CSMD1: variants seen among roughly 807,000 people sequenced by gnomAD.
CSMD1 encodes the protein CUB and Sushi multiple domains 1.
CSMD1 carries 213 observed loss-of-function variants against 417.5 expected under a neutral mutation model. That is an observed-to-expected ratio of 0.51 (90% CI 0.46 to 0.57). CSMD1 has a LOEUF of 0.57. Among genes scored for constraint, CSMD1 ranks in the 20% least tolerant of loss-of-function variants. The probability of loss-of-function intolerance (pLI) is 0.00; values close to 1 mark genes in which losing one functional copy is unlikely to be tolerated. For synonymous variants in CSMD1, 2,862 were observed against 1,736.8 expected (o/e 1.65, Z -16.11); for missense variants, 6,923 against 4,529.7 (o/e 1.53, Z -15.17).
chr8:3,451,612 G>T (rs2040975212), intron 12 of CSMD1, among the ~76,000 whole-genome samples: 1 of 152,164 alleles, frequency 6.6e-6, no homozygotes, highest in South Asian at 2.1e-4. Context: ...GTTTGTCAAA[G>T]AGCAGATACT....
intron 62 of CSMD1, among the ~76,000 whole-genome samples, 182 bp downstream of exon 62, chr8:2,960,959 T>TATATATATATATATATATATAC (rs1563182766): frequency 1.1e-4 from 14 of 131,630 alleles, no homozygotes; most frequent in Non-Finnish European, 7.7e-5. Flanking sequence ...TATATATATA[T>TATATATATATATATATATATAC]ATATATACAT....
intron 2 of CSMD1, among the ~76,000 whole-genome samples, chr8:4,492,739 G>C (rs920214126): frequency 1.3e-5 from 2 of 152,188 alleles, no homozygotes; most frequent in African/African-American, 4.8e-5. Context: ...CATGGGCACA[G>C]GTAACACCCA....
At chr8:3,905,109 T>A (rs1212868685) in intron 5 of CSMD1, among the ~76,000 whole-genome samples, 2 of 152,130 alleles carry the variant, frequency 1.3e-5, no homozygotes, top group Non-Finnish European at 2.9e-5. Context: ...CTGAGGCAAT[T>A]TTAATATTTT....
chr8:4,850,698 A>G (rs995064219), intron 1 of CSMD1, among the ~76,000 whole-genome samples: 1 of 151,824 alleles, frequency 6.6e-6, no homozygotes, highest in Non-Finnish European at 1.5e-5. Context: ...CTCTCTCTGG[A>G]TGAAGTGCAG....
At chr8:3,512,038 A>G (rs1222229639) in intron 10 of CSMD1, among the ~76,000 whole-genome samples, 1 of 152,028 alleles carries the variant, frequency 6.6e-6, no homozygotes, top group Non-Finnish European at 1.5e-5. Flanking sequence ...GGCATTCCCC[A>G]TCACCGTGGA....
intron 2 of CSMD1, among the ~76,000 whole-genome samples, chr8:4,527,008 T>A (rs1796548503): frequency 2.0e-5 from 3 of 152,212 alleles, no homozygotes; most frequent in African/African-American, 7.2e-5. Context: ...AAAGTCTTTA[T>A]AGAGCTATTG....
chr8:4,875,235 T>C (rs1802974339), intron 1 of CSMD1, among the ~76,000 whole-genome samples: 2 of 152,030 alleles, frequency 1.3e-5, no homozygotes, highest in African/African-American at 2.4e-5. Flanking sequence ...AGCATGAGAA[T>C]TATATATGAA....
chr8:3,456,083 C>G (rs61657999), intron 12 of CSMD1, among the ~76,000 whole-genome samples: 48 of 152,254 alleles, frequency 3.2e-4, no homozygotes, highest in Admixed American at 1.6e-3. Flanking sequence ...AATGAGCAAG[C>G]CTTCATGGGC....
intron 3 of CSMD1, among the ~76,000 whole-genome samples, chr8:4,336,134 C>G (rs1443078968): frequency 6.6e-6 from 1 of 152,096 alleles, no homozygotes; most frequent in Admixed American, 6.6e-5. Context: ...GTATAAACTT[C>G]TCACTTTAAG....
chr8:4,698,958 C>T (rs78809247), intron 1 of CSMD1, among the ~76,000 whole-genome samples: 2,790 of 151,362 alleles, frequency 0.018, 39 homozygotes, highest in Non-Finnish European at 0.03. Flanking sequence ...CACCGTCGAA[C>T]GAACACGTCA....
chr8:3,451,297 T>C (rs1240868908), intron 12 of CSMD1, among the ~76,000 whole-genome samples: 10 of 152,222 alleles, frequency 6.6e-5, no homozygotes. Flanking sequence ...TTTCTTTTGC[T>C]GCACAGAAGC....
intron 10 of CSMD1, among the ~76,000 whole-genome samples, chr8:3,569,235 G>A (rs943465791): frequency 2.6e-5 from 4 of 152,168 alleles, no homozygotes; most frequent in East Asian, 1.9e-4. Flanking sequence ...ATTTTCTAAC[G>A]ATAGATATTT....
chr8:4,254,028 C>T (rs113768489), intron 3 of CSMD1, among the ~76,000 whole-genome samples: 1 of 150,976 alleles, frequency 6.6e-6, no homozygotes, highest in Non-Finnish European at 1.5e-5. Context: ...GCCATTCTCC[C>T]GCCTCAGCCT....
intron 2 of CSMD1, among the ~76,000 whole-genome samples, chr8:4,593,497 G>A (rs1401461443): frequency 6.6e-6 from 1 of 152,086 alleles, no homozygotes; most frequent in Non-Finnish European, 1.5e-5. Flanking sequence ...CGCTTTTAGA[G>A]TCTTGGATTA....
At chr8:4,078,772 A>T (rs1210902409) in intron 3 of CSMD1, among the ~76,000 whole-genome samples, 1 of 150,584 alleles carries the variant, frequency 6.6e-6, no homozygotes, top group East Asian at 1.9e-4. Flanking sequence ...ACACTGGCTT[A>T]CACCTGTAAT....
At chr8:4,791,086 G>GAGAGACGGTGAGAGAGACGGTGAGA (rs1554482474) in intron 1 of CSMD1, among the ~76,000 whole-genome samples, 1 of 131,366 alleles carries the variant, frequency 7.6e-6, no homozygotes, top group African/African-American at 2.6e-5. Context: ...GAGACGGTGA[G>GAGAGACGGTGAGAGAGACGGTGAGA]AGAGACGGTG....
Position 2,951,284 on chromosome 8 carries a change from AG to A in CSMD1, c.10040-10del, listed in dbSNP as rs760706217. The A allele has an allele frequency of 1.5e-5, 24 of 1,597,196 alleles. No homozygotes were observed. Among genetic ancestry groups the A allele is most frequent in the Middle Eastern group, 1.7e-4 (1 of 6,028 alleles). ...AAAGACATCTGAAGGAACTGTGGGA[AG>A]GGGGGAAACAGACCAATGTCAGCAC... On this transcript the variant is annotated splice_polypyrimidine_tract_variant and intron_variant, in intron 65 of 69. Transcript: ENST00000635120.
chr8:3,560,031 G>T lies in CSMD1; in HGVS notation c.1344+14914C>A, dbSNP rs151131114. ...CCAGCGTAAGGGATTTAGTGTGGAG[G>T]GAATTTGGTGAATGAGAGACAATTG... On this transcript the variant is annotated intron_variant, in intron 10 of 69. Coordinates refer to ENST00000635120, the MANE Select transcript of CSMD1 (RefSeq NM_033225.6). Among the ~76,000 whole-genome samples, 827 of 152,180 alleles carry T rather than the reference G, an allele frequency of 5.4e-3. 8 individuals carry two copies. Among genetic ancestry groups the T allele is most frequent in the African/African-American group, 0.019 (802 of 41,520 alleles).
At chr8:4,013,623 T>A (rs1209679422) in intron 4 of CSMD1, among the ~76,000 whole-genome samples, 4 of 152,206 alleles carry the variant, frequency 2.6e-5, no homozygotes, top group Non-Finnish European at 4.4e-5. Flanking sequence ...CTCATTTGCT[T>A]ATTTATGTTA....
Sources: gnomAD v4.1 joint callset for allele counts (sites outside exome capture counted in the v4.1 genomes callset) on GRCh38, gnomAD v4.1.1 for gene constraint, MANE v1.5 for transcripts, NCBI Gene and HGNC (gene_info 2026-07-23, HGNC 2026-07-21) for gene names.